The following TEX53 variants were observed in gnomAD, a reference collection of about 807,000 sequenced individuals.
The protein encoded by TEX53 is testis expressed 53.
chr9:114,657,651 A>G lies in TEX53; in HGVS notation c.109+15T>C, dbSNP rs759730411. On this transcript the variant is annotated intron_variant, in intron 1 of 1. Coordinates refer to ENST00000423632, the MANE Select transcript of TEX53 (RefSeq NM_001354645.2). ...GTGTTCCTGACACTATCACACACCC[A>G]CGTCTGGAACCTACTGAAGGACCGT... The G allele has an allele frequency of 8.0e-5, 32 of 398,508 alleles. No individual in the cohort carries two copies. The highest frequency in any genetic ancestry group is 1.4e-4 in the Non-Finnish European group (31 of 226,088). The allele number at this position is 398,508 out of a possible 1,614,324, so 24.7% of individuals were successfully genotyped here. A position where few individuals can be genotyped will look rare whatever the true frequency, so the allele number is the denominator to read the frequency against.
Position 114,656,584 on chromosome 9 carries a change from C to T in TEX53, c.158G>A (p.Arg53His), listed in dbSNP as rs898186261. ...CATCATGCGGTTGTCATAGGGGAGG[C>T]GTGGATGTCTTTTTGGTACAGCACT... Reference protein sequence around the residue: ...LHSAVPKRHPRLPYDNRMMLK... With the variant: ...LHSAVPKRHPHLPYDNRMMLK... The change falls in exon 2 of 2, where the codon CGC becomes CAC. Residue 53 changes from arginine to histidine, a missense_variant. Arg to His is a conservative substitution (Grantham distance 29, BLOSUM62 0). Transcript: ENST00000423632. 1.0e-5 allele frequency: 4 copies of T among 398,232 alleles called. No individual in the cohort carries two copies. The highest frequency in any genetic ancestry group is 4.4e-5 in the Admixed American group (1 of 22,686). The allele number at this position is 398,232 out of a possible 1,614,324, so 24.7% of individuals were successfully genotyped here. A position where few individuals can be genotyped will look rare whatever the true frequency, so the allele number is the denominator to read the frequency against.
At chr9:114,657,543 C>T (rs1827727085) in intron 1 of TEX53, 123 bp downstream of exon 1, 1 of 396,796 alleles carries the variant, frequency 2.5e-6, no homozygotes, top group South Asian at 1.4e-4. Context: ...ACGCCCTTTC[C>T]ACACTCCCAG....
chr9:114,657,693 A>T lies in TEX53; in HGVS notation c.82T>A (p.Phe28Ile). 1 of 398,668 alleles carries T rather than the reference A, an allele frequency of 2.5e-6. No individual in the cohort carries two copies. 24.7% of individuals were successfully genotyped at this position (398,668 alleles called of 1,614,324 possible). ...AAGGACCGTGGATGATGCTGTTCGA[A>T]CATTCTTGGATTGTGGAAGCCAACA... is the stretch of plus-strand genomic sequence containing the variant. ...TTVGFHNPRM[F>I]EQHHPRSFNL... Residue 28 changes from phenylalanine to isoleucine, a missense_variant, in exon 1 of 2, where the codon TTC (phenylalanine) becomes ATC (isoleucine). Physicochemically the swap from Phe to Ile is conservative, Grantham distance 21. Transcript: ENST00000423632.
intron 1 of TEX53, among the ~76,000 whole-genome samples, chr9:114,657,307 G>A (rs1321837022): frequency 1.3e-5 from 2 of 152,288 alleles, no homozygotes; most frequent in East Asian, 3.9e-4. Flanking sequence ...GGATGCTGAG[G>A]CTTAGAGAGG....
rs1428018540 is a variant in TEX53 at position 114,656,522 on chromosome 9, A to G, written c.*7T>C. The stretch of plus-strand genomic sequence containing the variant: ...AGGGACCACGTGGGTGCCGCCGGCT[A>G]GAATGCTCATGGCCTCCTAAGGATG... On this transcript the variant is annotated 3_prime_UTR_variant, in exon 2 of 2. Coordinates refer to ENST00000423632, the MANE Select transcript of TEX53 (RefSeq NM_001354645.2). The G allele has an allele frequency of 2.5e-6, 1 of 398,542 alleles. No individual in the cohort carries two copies. Among genetic ancestry groups the G allele is most frequent in the African/African-American group, 2.1e-5 (1 of 48,652 alleles). 24.7% of individuals were successfully genotyped at this position (398,542 alleles called of 1,614,324 possible).
rs1827729157 is a variant in TEX53, at chr9:114,657,744, T to C, written c.31A>G (p.Lys11Glu). The C allele has an allele frequency of 2.5e-6, 1 of 398,712 alleles. No homozygotes were observed. The highest frequency in any genetic ancestry group is 2.1e-5 in the African/African-American group (1 of 48,764). 24.7% of individuals were successfully genotyped at this position (398,712 alleles called of 1,614,324 possible). Residue 11 changes from lysine (K) to glutamate (E), a missense_variant, in exon 1 of 2, where the codon AAG becomes GAG. By Grantham distance (56) the Lys-to-Glu change is moderately conservative. Coordinates refer to ENST00000423632, the MANE Select transcript of TEX53 (RefSeq NM_001354645.2). ...GTGGTGGAAGACCCCTCGCTGGTCT[T>C]GCGGCAACAACAGAAGATCTTGGAC... MGSKIFCCCR[K>E]TSEGSSTTVG...
intron 1 of TEX53, among the ~76,000 whole-genome samples, chr9:114,656,857 C>G (rs1003709279): frequency 1.3e-5 from 2 of 152,116 alleles, no homozygotes; most frequent in African/African-American, 4.8e-5. Context: ...TATACACATC[C>G]ACAGATATCA....
intron 1 of TEX53, 27 bp from the exon 2 acceptor site, chr9:114,656,659 C>T: frequency 2.5e-6 from 1 of 398,498 alleles, no homozygotes; most frequent in Non-Finnish European, 4.4e-6. Context: ...ATAAACTTAT[C>T]CTGGGTAAAG....
chr9:114,656,814 T>TA (rs1457956201), intron 1 of TEX53, among the ~76,000 whole-genome samples, 182 bp from the exon 2 acceptor site: 1 of 152,198 alleles, frequency 6.6e-6, no homozygotes, highest in Non-Finnish European at 1.5e-5. Context: ...TTTTAGAGTT[T>TA]ACTCATTACC....
At chr9:114,656,688 A>G (rs957639365) in intron 1 of TEX53, 56 bp from the exon 2 acceptor site, 3 of 398,040 alleles carry the variant, frequency 7.5e-6, no homozygotes, top group African/African-American at 4.1e-5. Flanking sequence ...TGATGCGCGT[A>G]TAACCTATCT....
At chr9:114,657,602 G>A in intron 1 of TEX53, 64 bp downstream of exon 1, 6 of 398,506 alleles carry the variant, frequency 1.5e-5, no homozygotes, top group Non-Finnish European at 2.7e-5. Flanking sequence ...GGCCGGGGAG[G>A]CCGAGGCGCA....
intron 1 of TEX53, among the ~76,000 whole-genome samples, chr9:114,656,946 G>A (rs562115861): frequency 3.9e-5 from 6 of 151,972 alleles, no homozygotes; most frequent in South Asian, 2.1e-4. Context: ...GCGCGATCTC[G>A]GCTCACTGCA....
intron 1 of TEX53, among the ~76,000 whole-genome samples, chr9:114,657,039 G>A (rs1827713405): frequency 6.6e-6 from 1 of 152,084 alleles, no homozygotes; most frequent in African/African-American, 2.4e-5. Context: ...ACCATGCCCC[G>A]CTAATTTTTT....
rs1026062055 is a variant in TEX53, at chr9:114,657,770, C to T, written c.5G>A (p.Gly2Glu). 3.5e-5 allele frequency: 14 copies of T among 398,638 alleles called. No homozygotes were observed. Among genetic ancestry groups the T allele is most frequent in the African/African-American group, 2.1e-4 (10 of 48,624 alleles). The allele number at this position is 398,638 out of a possible 1,614,324, so 24.7% of individuals were successfully genotyped here. A position where few individuals can be genotyped will look rare whatever the true frequency, so the allele number is the denominator to read the frequency against. The change falls in exon 1 of 2, where the codon GGG (glycine) becomes GAG (glutamate). Residue 2 changes from glycine to glutamate, a missense_variant. Coordinates refer to ENST00000423632, the MANE Select transcript of TEX53 (RefSeq NM_001354645.2). ...GCGGCAACAACAGAAGATCTTGGACCCCATGTTTTGGTGCGCGGTGGGAGG... is the reference window on the plus strand; with the variant it reads ...GCGGCAACAACAGAAGATCTTGGACTCCATGTTTTGGTGCGCGGTGGGAGG... M[G>E]SKIFCCCRKT...
In TEX53 at chr9:114,656,532, T is replaced by G; in HGVS notation, c.210A>C (p.Pro70=). 5.0e-6 allele frequency: 2 copies of G among 398,640 alleles called. No homozygotes were observed. The highest frequency in any genetic ancestry group is 8.8e-6 in the Non-Finnish European group (2 of 226,070). The allele number at this position is 398,640 out of a possible 1,614,324, so 24.7% of individuals were successfully genotyped here. The change falls in exon 2 of 2, where the codon CCA becomes CCC. Residue 70 remains proline (P), a synonymous_variant. Transcript: ENST00000423632. ...TGGGTGCCGCCGGCTAGAATGCTCA[T>G]GGCCTCCTAAGGATGCACGCCTTGA... ...MMLKACILRR[P]
At chr9:114,656,705 T>C in intron 1 of TEX53, 73 bp from the exon 2 acceptor site, 1 of 389,690 alleles carries the variant, frequency 2.6e-6, no homozygotes, top group Non-Finnish European at 4.5e-6. Context: ...ATCTTGGCCA[T>C]ACTCCACTCA....
Position 114,656,526 on chromosome 9 carries a change from TGCTCATGG to T in TEX53, c.208_*2del, listed in dbSNP as rs1012398323. The T allele has an allele frequency of 1.8e-5, 7 of 398,506 alleles. No homozygotes were observed. The highest frequency in any genetic ancestry group is 3.1e-5 in the Non-Finnish European group (7 of 226,094). The allele number at this position is 398,506 out of a possible 1,614,324, so 24.7% of individuals were successfully genotyped here. On this transcript the variant is annotated stop_lost and 3_prime_UTR_variant, in exon 2 of 2. Transcript: ENST00000423632. Reference sequence around the variant, plus strand: ...ACCACGTGGGTGCCGCCGGCTAGAATGCTCATGGCCTCCTAAGGATGCACGCCTTGAGC... The same window carrying T: ...ACCACGTGGGTGCCGCCGGCTAGAATCCTCCTAAGGATGCACGCCTTGAGC...
rs538754045 is a variant in TEX53, at chr9:114,656,428, C to G, written c.*101G>C. The G allele has an allele frequency of 1.5e-5, 6 of 395,468 alleles. No homozygotes were observed. The South Asian group carries it at 6.7e-4, about 44-fold the overall frequency. 24.5% of individuals were successfully genotyped at this position (395,468 alleles called of 1,614,324 possible). A position where few individuals can be genotyped will look rare whatever the true frequency, so the allele number is the denominator to read the frequency against. ...GTCTTCTCCTCCTGCAGGGGAGTTT[C>G]TGAATCAGTCTTCATGACTCTTGTC... On this transcript the variant is annotated 3_prime_UTR_variant, in exon 2 of 2. Coordinates refer to ENST00000423632, the MANE Select transcript of TEX53 (RefSeq NM_001354645.2).
At chr9:114,657,155 C>T (rs1053628622) in intron 1 of TEX53, among the ~76,000 whole-genome samples, 2 of 152,200 alleles carry the variant, frequency 1.3e-5, no homozygotes, top group Non-Finnish European at 1.5e-5. Flanking sequence ...GGATTACAGG[C>T]GTGAGCCACC....
Sources: allele counts gnomAD v4.1 joint callset (sites outside exome capture counted in the v4.1 genomes callset), GRCh38; gene constraint gnomAD v4.1.1; transcripts MANE v1.5; gene names NCBI Gene and HGNC (gene_info 2026-07-23, HGNC 2026-07-21).